Variants in SUGT1 observed in about 807,000 individuals in gnomAD.
The protein encoded by SUGT1 is SGT1 assembly cochaperone of MIS12 kinetochore complex, also known as protein SGT1 homolog.
SUGT1 carries 15 observed loss-of-function variants against 56.1 expected under a neutral mutation model. The ratio of observed to expected loss-of-function variants is 0.27; its 90% confidence interval spans 0.18 to 0.41. The LOEUF (loss-of-function observed/expected upper bound fraction) is 0.41, where lower values mean the gene tolerates loss of function less well. Ranked by LOEUF, SUGT1 falls within the 10% of genes least tolerant of loss-of-function variation. The probability of loss-of-function intolerance (pLI) is 1.00; values close to 1 mark genes in which losing one functional copy is unlikely to be tolerated. For synonymous variants in SUGT1, 123 were observed against 128.6 expected (o/e 0.96, Z 0.30); for missense variants, 347 against 382.2 (o/e 0.91, Z 0.77).
chr13:52,676,176 A>G, intron 10 of SUGT1, 54 bp from the exon 11 acceptor site: 5 of 1,414,802 alleles, frequency 3.5e-6, no homozygotes, highest in Non-Finnish European at 4.8e-6. Context: ...TGCATTTTTT[A>G]CTGTTTTGTG....
rs770440391 is a variant in SUGT1, at chr13:52,687,877, A to G, written c.*42A>G. ...TCATCGTATTGTGTATATTCACCTA[A>G]TGCCCATTGTGTATTGATATTGCAT... On this transcript the variant is annotated 3_prime_UTR_variant, in exon 13 of 13. Transcript: ENST00000310528. 10 of 1,332,996 alleles carry G rather than the reference A, an allele frequency of 7.5e-6. No homozygotes were observed. The highest frequency in any genetic ancestry group is 2.3e-5 in the Admixed American group (1 of 43,554). The allele number at this position is 1,332,996 out of a possible 1,614,324, so 82.6% of individuals were successfully genotyped here.
intron 8 of SUGT1, among the ~76,000 whole-genome samples, chr13:52,664,932 G>T (rs1290754592): frequency 6.6e-6 from 1 of 152,192 alleles, no homozygotes; most frequent in Non-Finnish European, 1.5e-5. Flanking sequence ...TCTGCCCTCA[G>T]AGAGCTTTTA....
intron 3 of SUGT1, chr13:52,658,170 C>T (rs1426940183): frequency 2.1e-6 from 3 of 1,460,960 alleles, no homozygotes; most frequent in Non-Finnish European, 2.7e-6. Context: ...TTTTGTGACA[C>T]AGCTGTATTC....
At chr13:52,674,486 A>T (rs1488660020) in intron 10 of SUGT1, among the ~76,000 whole-genome samples, 1 of 152,216 alleles carries the variant, frequency 6.6e-6, no homozygotes, top group South Asian at 2.1e-4. Flanking sequence ...CTGATTAAAA[A>T]TATTGGCAGT....
chr13:52,685,306 G>C (rs569929208), intron 12 of SUGT1, among the ~76,000 whole-genome samples: 2 of 145,698 alleles, frequency 1.4e-5, no homozygotes, highest in South Asian at 4.4e-4. Context: ...TGTTGCCCAG[G>C]CTGTTCTTGA....
intron 2 of SUGT1, among the ~76,000 whole-genome samples, chr13:52,655,470 C>G (rs979090344): frequency 2.0e-5 from 3 of 152,060 alleles, no homozygotes; most frequent in African/African-American, 4.8e-5. Flanking sequence ...GAGTAGATAG[C>G]GAATTGGAGG....
At chr13:52,666,715 T>C (rs985883117) in intron 9 of SUGT1, 97 bp from the exon 10 acceptor site, 4 of 788,176 alleles carry the variant, frequency 5.1e-6, no homozygotes, top group Non-Finnish European at 8.4e-6. Context: ...TTAAAATAAT[T>C]TGTAACATTA....
At chr13:52,672,176 T>A (rs1172824077) in intron 10 of SUGT1, among the ~76,000 whole-genome samples, 1 of 152,160 alleles carries the variant, frequency 6.6e-6, no homozygotes, top group Non-Finnish European at 1.5e-5. Context: ...GTTTAGGAAG[T>A]AATCACTCAG....
At position 52,665,632 on chromosome 13, in the gene SUGT1, A is replaced by G. The variant is rs761104044; in HGVS notation, c.423-5A>G. The G allele has an allele frequency of 6.6e-6, 10 of 1,516,448 alleles. No homozygotes were observed. Among genetic ancestry groups the G allele is most frequent in the Non-Finnish European group, 8.8e-6 (10 of 1,134,186 alleles). The allele number at this position is 1,516,448 out of a possible 1,614,324, so 93.9% of individuals were successfully genotyped here. ...TTACCTAAGTTTCTTTTTTTTTTTT[A>G]ATAGGTATGACTGGTATCAAACAGA... On this transcript the variant is annotated splice_polypyrimidine_tract_variant and splice_region_variant and intron_variant, in intron 8 of 12. Coordinates refer to ENST00000310528, the MANE Select transcript of SUGT1 (RefSeq NM_006704.5).
At chr13:52,675,236 A>G (rs541659569) in intron 10 of SUGT1, among the ~76,000 whole-genome samples, 31 of 152,318 alleles carry the variant, frequency 2.0e-4, no homozygotes, top group Non-Finnish European at 3.8e-4. Context: ...ACTTTCTTAA[A>G]GTATCTCACA....
chr13:52,659,489 CCTAACAT>C (rs1360145051), intron 5 of SUGT1, among the ~76,000 whole-genome samples: 13 of 152,086 alleles, frequency 8.5e-5, no homozygotes, highest in Admixed American at 7.9e-4. Context: ...TATGGAAACA[CCTAACAT>C]GCTCTCTCTG....
chr13:52,685,253 CTTCTT>C (rs1295685698), intron 12 of SUGT1, among the ~76,000 whole-genome samples: 1 of 86,426 alleles, frequency 1.2e-5, no homozygotes, highest in African/African-American at 3.7e-5. Flanking sequence ...TCTTCTTCTT[CTTCTT>C]TTTTTTTTTT....
chr13:52,695,317 C>T lies in SUGT1; in HGVS notation c.*7482C>T, dbSNP rs1594267209. The stretch of plus-strand genomic sequence containing the variant: ...AAACAATTGACTTTAAAAAATTATA[C>T]TTCACCACAGAGACAGGTGTTGTTT... On this transcript the variant is annotated 3_prime_UTR_variant, in exon 13 of 13. Coordinates refer to ENST00000310528, the MANE Select transcript of SUGT1 (RefSeq NM_006704.5). The T allele has an allele frequency of 2.0e-5, 3 of 152,082 alleles. No individual in the cohort carries two copies. The highest frequency in any genetic ancestry group is 4.8e-5 in the African/African-American group (2 of 41,416). The allele number at this position is 152,082 out of a possible 1,614,324, so 9.4% of individuals were successfully genotyped here.
At chr13:52,662,281 C>T (rs1001154274) in intron 5 of SUGT1, among the ~76,000 whole-genome samples, 9 of 152,124 alleles carry the variant, frequency 5.9e-5, no homozygotes. Flanking sequence ...AAGCCTCCTC[C>T]CCACCCTAAC....
intron 2 of SUGT1, 72 bp downstream of exon 2, chr13:52,653,175 G>A (rs1961993302): frequency 3.8e-6 from 6 of 1,576,960 alleles, no homozygotes; most frequent in Admixed American, 1.8e-5. Flanking sequence ...CCGCTGACCC[G>A]CCTTCTCCCC....
chr13:52,680,203 A>G (rs752078231), intron 12 of SUGT1, 48 bp downstream of exon 12: 14 of 1,509,904 alleles, frequency 9.3e-6, no homozygotes, highest in Admixed American at 5.1e-5. Flanking sequence ...AATTTTACAT[A>G]TTTTAAACGA....
chr13:52,653,358 G>C (rs1962006458), intron 2 of SUGT1, among the ~76,000 whole-genome samples: 1 of 144,636 alleles, frequency 6.9e-6, no homozygotes. Flanking sequence ...TTGGGAGCAT[G>C]GTTGGCATTT....
intron 12 of SUGT1, among the ~76,000 whole-genome samples, chr13:52,685,081 T>C (rs914957734): frequency 6.6e-6 from 1 of 151,592 alleles, no homozygotes; most frequent in African/African-American, 2.4e-5. Context: ...TTTTTTTTTT[T>C]TTCTAGTCAG....
chr13:52,694,097 G>A lies in SUGT1; in HGVS notation c.*6262G>A, dbSNP rs1221099764. 2 of 152,180 alleles carry A rather than the reference G, an allele frequency of 1.3e-5. No homozygotes were observed. Among genetic ancestry groups the A allele is most frequent in the African/African-American group, 4.8e-5 (2 of 41,438 alleles). The allele number at this position is 152,180 out of a possible 1,614,324, so 9.4% of individuals were successfully genotyped here. A position where few individuals can be genotyped will look rare whatever the true frequency, so the allele number is the denominator to read the frequency against. ...TGTGGAAAGCAAAACCATGGATAAA[G>A]GGGAACTATTAATAGTCTATCTGTA... On this transcript the variant is annotated 3_prime_UTR_variant, in exon 13 of 13. Coordinates refer to ENST00000310528, the MANE Select transcript of SUGT1 (RefSeq NM_006704.5).
Sources: gnomAD v4.1 joint callset for allele counts (sites outside exome capture counted in the v4.1 genomes callset) on GRCh38, gnomAD v4.1.1 for gene constraint, MANE v1.5 for transcripts, NCBI Gene and HGNC (gene_info 2026-07-23, HGNC 2026-07-21) for gene names.